Variants in IMPG2 observed in about 807,000 individuals in gnomAD.
The protein encoded by IMPG2 is interphotoreceptor matrix proteoglycan 2, also known as IPM 200.
A neutral mutation model predicts 129.2 loss-of-function variants in IMPG2; 91 were observed. The observed-to-expected ratio is 0.70, with a 90% CI of 0.59 to 0.84. The LOEUF (loss-of-function observed/expected upper bound fraction) is 0.84. Ranked by LOEUF, IMPG2 falls within the 40% of genes least tolerant of loss-of-function variation. The probability of loss-of-function intolerance (pLI) is 0.00; values close to 1 mark genes in which losing one functional copy is unlikely to be tolerated. For missense variants in IMPG2, 1,430 were observed against 1,461.7 expected (o/e 0.98, Z 0.35); for synonymous variants, 510 against 517.7 (o/e 0.99, Z 0.20).
chr3:101,256,197 GAAAGAAAGAAAGAAAGAA>G (rs1559646426), intron 10 of IMPG2, among the ~76,000 whole-genome samples: 3 of 148,498 alleles, frequency 2.0e-5, no homozygotes, highest in Non-Finnish European at 4.5e-5. Flanking sequence ...AAGAAAGAAA[GAAAGAAAGAAAGAAAGAA>G]AGAAAAAAAT....
At chr3:101,249,622 A>C (rs1397224160) in intron 11 of IMPG2, among the ~76,000 whole-genome samples, 1 of 152,120 alleles carries the variant, frequency 6.6e-6, no homozygotes, top group Admixed American at 6.5e-5. Flanking sequence ...CTAATAACCA[A>C]ATCTTCTGAA....
At chr3:101,256,217 G>GAACGAACGAAC (rs1553682322) in intron 10 of IMPG2, among the ~76,000 whole-genome samples, 12 of 138,170 alleles carry the variant, frequency 8.7e-5, no homozygotes, top group African/African-American at 3.3e-4. Flanking sequence ...AAGAAAGAAA[G>GAACGAACGAAC]AAAAAAATAT....
rs573379716 is a variant in IMPG2, at chr3:101,278,726, T to C, written c.534-2013A>G. Among the ~76,000 whole-genome samples the C allele has an allele frequency of 1.0e-3, 158 of 151,622 alleles. 1 individual carries two copies. Among genetic ancestry groups the C allele is most frequent in the African/African-American group, 3.5e-3 (144 of 41,414 alleles). On this transcript the variant is annotated intron_variant, in intron 4 of 18. Coordinates refer to ENST00000193391, the MANE Select transcript of IMPG2 (RefSeq NM_016247.4). The stretch of plus-strand genomic sequence containing the variant: ...TAAAAAAAAAAAACAAACTTCACCA[T>C]AAAGATCTTTCTGGTTTTAAAAATT...
chr3:101,288,838 C>T (rs1029538949), intron 4 of IMPG2, among the ~76,000 whole-genome samples: 2 of 152,110 alleles, frequency 1.3e-5, no homozygotes, highest in South Asian at 2.1e-4. Flanking sequence ...GTCATCCTTT[C>T]GAATTGATTT....
chr3:101,297,852 G>A (rs1354527676), intron 3 of IMPG2, among the ~76,000 whole-genome samples: 1 of 152,216 alleles, frequency 6.6e-6, no homozygotes, highest in African/African-American at 2.4e-5. Flanking sequence ...GTGCCATGTG[G>A]CACTAAGAAG....
At chr3:101,233,824 T>C (rs1706316937) in intron 14 of IMPG2, among the ~76,000 whole-genome samples, 3 of 152,112 alleles carry the variant, frequency 2.0e-5, no homozygotes, top group Admixed American at 2.0e-4. Flanking sequence ...AAATGATCCA[T>C]AGACTCATCT....
At chr3:101,280,403 C>T (rs533919186) in intron 4 of IMPG2, among the ~76,000 whole-genome samples, 1 of 152,220 alleles carries the variant, frequency 6.6e-6, no homozygotes, top group African/African-American at 2.4e-5. Context: ...GAGTGCTAGT[C>T]CTAGATGTAT....
Position 101,269,578 on chromosome 3 carries a change from T to C in IMPG2, c.829-5A>G, listed in dbSNP as rs1559649575. The C allele has an allele frequency of 6.5e-7, 1 of 1,548,158 alleles. No homozygotes were observed. The highest frequency in any genetic ancestry group is 8.9e-7 in the Non-Finnish European group (1 of 1,120,628). ...CCCAGTAAATGCATTTTCAACCTGT[T>C]AAAAGTACAAATAAAAATGATAACT... On this transcript the variant is annotated splice_region_variant and splice_polypyrimidine_tract_variant and intron_variant, in intron 7 of 18. Transcript: ENST00000193391.
Position 101,275,664 on chromosome 3 carries a change from C to T in IMPG2, c.665G>A (p.Ser222Asn), listed in dbSNP as rs1706832859. The T allele has an allele frequency of 6.2e-7, 1 of 1,606,490 alleles. No individual in the cohort carries two copies. Among genetic ancestry groups the T allele is most frequent in the Non-Finnish European group, 8.5e-7 (1 of 1,172,998 alleles). The change falls in exon 6 of 19, where the codon AGT becomes AAT. Residue 222 changes from serine to asparagine, a missense_variant and splice_region_variant. Transcript: ENST00000193391. ...SESSLERPEE[S>N]ISNEIENVIE... ...CTAACAAAACAGAGCATCACTCACA[C>T]TCTCCTCTGGCCTTTCCAAGCTGCT...
chr3:101,297,023 C>G (rs1707086418), intron 3 of IMPG2, among the ~76,000 whole-genome samples: 1 of 152,198 alleles, frequency 6.6e-6, no homozygotes, highest in East Asian at 1.9e-4. Context: ...CTGCCTCAGC[C>G]TCCCGAGTAG....
At position 101,291,582 on chromosome 3, in the gene IMPG2, T is replaced by C. The variant is rs1398781317; in HGVS notation, c.502-72A>G. The C allele has an allele frequency of 2.8e-6, 3 of 1,061,004 alleles. No individual in the cohort carries two copies. In the African/African-American group the frequency reaches 4.7e-5, roughly 17 times the overall value. The allele number at this position is 1,061,004 out of a possible 1,614,324, so 65.7% of individuals were successfully genotyped here. On this transcript the variant is annotated intron_variant, in intron 3 of 18. Transcript: ENST00000193391. ...TAAGGAGTAAATAAAACTTATTTCA[T>C]AGAGACCACTACTGCCCTACCATGG...
At chr3:101,287,779 A>G (rs2107123295) in intron 4 of IMPG2, among the ~76,000 whole-genome samples, 1 of 152,298 alleles carries the variant, frequency 6.6e-6, no homozygotes, top group South Asian at 2.1e-4. Context: ...ACCTCAAACT[A>G]TAAAAATTCT....
At chr3:101,233,483 A>G (rs1008256443) in intron 14 of IMPG2, among the ~76,000 whole-genome samples, 3 of 152,182 alleles carry the variant, frequency 2.0e-5, no homozygotes, top group Non-Finnish European at 4.4e-5. Flanking sequence ...AGCCTCAGGG[A>G]TGGGTATAGC....
chr3:101,261,316 G>C (rs989566963), intron 9 of IMPG2, among the ~76,000 whole-genome samples: 4 of 152,142 alleles, frequency 2.6e-5, no homozygotes, highest in Admixed American at 6.6e-5. Context: ...ATGTCAGTTA[G>C]CACTTCAGTT....
rs1223699510 is a variant in IMPG2, at chr3:101,253,715, G to C, written c.1220C>G (p.Ala407Gly). The change falls in exon 11 of 19, where the codon GCA becomes GGA. Residue 407 changes from alanine to glycine, a missense_variant. Physicochemically the swap from Ala to Gly is moderately conservative, Grantham distance 60. Coordinates refer to ENST00000193391, the MANE Select transcript of IMPG2 (RefSeq NM_016247.4). ...VWNTQSSSLQ[A>G]TPSSILDNTF... ...ACATACCAGAATAGATGACGGCGTT[G>C]CCTGAAGACTTGAACTTTGGGTGTT... 6.2e-7 allele frequency: 1 copy of C among 1,611,326 alleles called. No individual in the cohort carries two copies. The highest frequency in any genetic ancestry group is 8.5e-7 in the Non-Finnish European group (1 of 1,178,482).
chr3:101,232,748 C>G lies in IMPG2; in HGVS notation c.3233+33G>C. On this transcript the variant is annotated intron_variant, in intron 15 of 18. Coordinates refer to ENST00000193391, the MANE Select transcript of IMPG2 (RefSeq NM_016247.4). ...TTTTCTTTAGAGGAAATATCTATAG[C>G]CTCTAAAGTCAAAATCTGTAACTAC... is the stretch of plus-strand genomic sequence containing the variant. The G allele has an allele frequency of 1.9e-6, 3 of 1,582,520 alleles. No individual in the cohort carries two copies. The South Asian group carries it at 3.3e-5, about 18-fold the overall frequency.
At chr3:101,307,206 CTGAAATTTTTACATGGACAACACCAA>C (rs1559659424) in intron 2 of IMPG2, among the ~76,000 whole-genome samples, 2 of 152,142 alleles carry the variant, frequency 1.3e-5, no homozygotes, top group Admixed American at 6.6e-5. Context: ...CCAAGAATGA[CTGAAATTTTTACATGGACAACACCAA>C]AATTTGGCAA....
intron 3 of IMPG2, among the ~76,000 whole-genome samples, chr3:101,303,208 C>T (rs1221334640): frequency 6.6e-6 from 1 of 152,092 alleles, no homozygotes; most frequent in Admixed American, 6.5e-5. Context: ...GGTTATTGCT[C>T]ATATACTCAT....
chr3:101,243,984 C>G lies in IMPG2; in HGVS notation c.2347G>C (p.Val783Leu). 6.2e-7 allele frequency: 1 copy of G among 1,614,182 alleles called. No homozygotes were observed. Among genetic ancestry groups the G allele is most frequent in the Middle Eastern group, 1.6e-4 (1 of 6,062 alleles). Residue 783 changes from valine to leucine, a missense_variant, in exon 13 of 19, where the codon GTT (valine) becomes CTT (leucine). Transcript: ENST00000193391. ...LWTILPESER[V>L]WTRTSSLEKL... Reference sequence around the variant, plus strand: ...TCTAGGGAAGAAGTTCTTGTCCAAACTCTCTCTGATTCTGGCAATATAGTC... The same window carrying G: ...TCTAGGGAAGAAGTTCTTGTCCAAAGTCTCTCTGATTCTGGCAATATAGTC...
Sources: gnomAD v4.1 joint callset for allele counts (sites outside exome capture counted in the v4.1 genomes callset) on GRCh38, gnomAD v4.1.1 for gene constraint, MANE v1.5 for transcripts, NCBI Gene and HGNC (gene_info 2026-07-23, HGNC 2026-07-21) for gene names.